The following NOS1AP variants were observed in gnomAD, a reference collection of about 807,000 sequenced individuals.
NOS1AP encodes nitric oxide synthase 1 adaptor protein.
In NOS1AP, 21 loss-of-function variants were observed where a neutral mutation model predicts 56.2. The observed-to-expected ratio is 0.37, with a 90% CI of 0.26 to 0.54. The LOEUF is 0.54. NOS1AP is among the 20% of genes least tolerant of loss of function. NOS1AP has a pLI of 0.84. For missense variants in NOS1AP, 522 were observed against 657.8 expected, an observed-to-expected ratio of 0.79 and a Z score of 2.26; for synonymous variants, 270 against 274.6, an observed-to-expected ratio of 0.98 and a Z score of 0.17.
intron 6 of NOS1AP, 86 bp from the exon 7 acceptor site, chr1:162,355,101 A>G: frequency 6.6e-7 from 1 of 1,508,788 alleles, no homozygotes; most frequent in East Asian, 2.3e-5. Context: ...TAGGCTCAAC[A>G]TGCCTGAAAG....
chr1:162,196,255 A>G (rs1651802803), intron 2 of NOS1AP, among the ~76,000 whole-genome samples: 1 of 152,204 alleles, frequency 6.6e-6, no homozygotes, highest in African/African-American at 2.4e-5. Context: ...CTTGATGACG[A>G]TAAAGGAATT....
intron 4 of NOS1AP, among the ~76,000 whole-genome samples, chr1:162,302,129 T>C (rs981482965): frequency 1.3e-5 from 2 of 152,222 alleles, no homozygotes; most frequent in African/African-American, 4.8e-5. Context: ...TTAATGTTTT[T>C]TTGAAATACT....
chr1:162,338,833 G>T, intron 5 of NOS1AP: 1 of 152,058 alleles, frequency 6.6e-6, no homozygotes, highest in East Asian at 1.9e-4. Flanking sequence ...GTTTGCTTTC[G>T]GGTGTACAAC....
At chr1:162,238,258 C>A (rs530581544) in intron 2 of NOS1AP, among the ~76,000 whole-genome samples, 1 of 152,142 alleles carries the variant, frequency 6.6e-6, no homozygotes, top group East Asian at 1.9e-4. Flanking sequence ...TCCTTTGGAG[C>A]ATGGATGGGT....
At chr1:162,134,841 A>C (rs1185109670) in intron 1 of NOS1AP, among the ~76,000 whole-genome samples, 1 of 152,178 alleles carries the variant, frequency 6.6e-6, no homozygotes, top group Non-Finnish European at 1.5e-5. Context: ...GTGGCTGCAC[A>C]TGACTTAAGA....
intron 6 of NOS1AP, among the ~76,000 whole-genome samples, chr1:162,347,382 A>G (rs981166123): frequency 2.0e-5 from 3 of 152,222 alleles, no homozygotes; most frequent in African/African-American, 7.2e-5. Context: ...GAAGACACCT[A>G]TTCCTGGAGT....
intron 8 of NOS1AP, among the ~76,000 whole-genome samples, chr1:162,360,167 G>A (rs371776517): frequency 6.6e-6 from 1 of 152,036 alleles, no homozygotes; most frequent in Non-Finnish European, 1.5e-5. Context: ...GGTCTCAAAG[G>A]GGCCCGCCCT....
intron 4 of NOS1AP, among the ~76,000 whole-genome samples, chr1:162,328,933 G>A (rs973542868): frequency 1.3e-5 from 2 of 152,176 alleles, no homozygotes; most frequent in African/African-American, 2.4e-5. Context: ...TGTTGTTGCT[G>A]CTGTTGTTGT....
intron 2 of NOS1AP, among the ~76,000 whole-genome samples, chr1:162,163,703 G>T (rs1020162354): frequency 2.6e-5 from 4 of 152,080 alleles, no homozygotes; most frequent in African/African-American, 9.7e-5. Flanking sequence ...AATGGGCTTC[G>T]CAGGTTCAAG....
chr1:162,305,706 T>C (rs1655802927), intron 4 of NOS1AP, among the ~76,000 whole-genome samples: 1 of 152,224 alleles, frequency 6.6e-6, no homozygotes, highest in Admixed American at 6.5e-5. Flanking sequence ...GTGGAAGACA[T>C]ATTTTTACCC....
intron 4 of NOS1AP, among the ~76,000 whole-genome samples, chr1:162,331,191 A>G (rs1021856405): frequency 2.0e-5 from 3 of 152,156 alleles, no homozygotes; most frequent in South Asian, 2.1e-4. Context: ...GGGACTGGAA[A>G]CCACACTAAA....
At chr1:162,084,045 TC>T (rs1188156132) in intron 1 of NOS1AP, among the ~76,000 whole-genome samples, 1 of 152,230 alleles carries the variant, frequency 6.6e-6, no homozygotes, top group Admixed American at 6.5e-5. Context: ...ATCTTCTGTG[TC>T]TTTGCTGAGA....
chr1:162,255,260 C>T (rs1258761403), intron 2 of NOS1AP, among the ~76,000 whole-genome samples: 3 of 152,140 alleles, frequency 2.0e-5, no homozygotes, highest in Non-Finnish European at 4.4e-5. Flanking sequence ...TTCCACCCCC[C>T]TCACTCCAAA....
chr1:162,114,311 A>T (rs957129427), intron 1 of NOS1AP, among the ~76,000 whole-genome samples: 1 of 150,994 alleles, frequency 6.6e-6, no homozygotes, highest in Non-Finnish European at 1.5e-5. Flanking sequence ...CCGTTAGACA[A>T]GTGCAACATC....
At position 162,355,112 on chromosome 1, in the gene NOS1AP, C is replaced by T; in HGVS notation, c.596-75C>T. ...TCCCTAGGCTCAACATGCCTGAAAG[C>T]TAAAGTATTAGGAAAGGAGGACTTT... On this transcript the variant is annotated intron_variant, in intron 6 of 9. Transcript: ENST00000361897. 4.5e-6 allele frequency: 7 copies of T among 1,561,412 alleles called. No homozygotes were observed. In the South Asian group the frequency reaches 7.8e-5, roughly 17 times the overall value.
chr1:162,225,900 A>G (rs935617079), intron 2 of NOS1AP, among the ~76,000 whole-genome samples: 2 of 152,246 alleles, frequency 1.3e-5, no homozygotes, highest in African/African-American at 4.8e-5. Flanking sequence ...TTTTCATACA[A>G]TGAAATTATT....
chr1:162,234,297 G>A (rs1653217124), intron 2 of NOS1AP, among the ~76,000 whole-genome samples: 1 of 152,136 alleles, frequency 6.6e-6, no homozygotes, highest in East Asian at 1.9e-4. Context: ...AAGGAGCGAG[G>A]GTAGGAAGTC....
intron 1 of NOS1AP, among the ~76,000 whole-genome samples, chr1:162,101,173 G>A (rs867861978): frequency 6.6e-6 from 1 of 152,130 alleles, no homozygotes; most frequent in African/African-American, 2.4e-5. Context: ...AGTTCAACCA[G>A]CACCATTTAT....
rs779977697 is a variant in NOS1AP, at chr1:162,367,323, G to A, written c.1377G>A (p.Glu459=). ...LGGLELIKFR[E]SGIASEYESN... is the part of the protein sequence containing the mutation. ...GTCTGGAGCTCATCAAGTTCCGAGA[G>A]TCAGGCATCGCCTCGGAGTACGAGT... is the stretch of plus-strand genomic sequence containing the variant. Residue 459 remains glutamate, a synonymous_variant, in exon 10 of 10, where the codon GAG becomes GAA. Transcript: ENST00000361897. The surrounding 1 kb of genome is among the most constrained non-coding windows in gnomAD (Gnocchi z 6.5). The A allele has an allele frequency of 6.2e-7, 1 of 1,613,118 alleles. No individual in the cohort carries two copies. Among genetic ancestry groups the A allele is most frequent in the African/African-American group, 1.3e-5 (1 of 74,952 alleles).
Sources: gnomAD v4.1 joint callset for allele counts (sites outside exome capture counted in the v4.1 genomes callset) on GRCh38, gnomAD v4.1.1 for gene constraint, Gnocchi (gnomAD v3.1) non-coding constraint, MANE v1.5 for transcripts, NCBI Gene and HGNC (gene_info 2026-07-23, HGNC 2026-07-21) for gene names.